The following NCAM2 variants were observed in gnomAD, a reference collection of about 807,000 sequenced individuals.
NCAM2 encodes the protein neural cell adhesion molecule 2, also known as N-CAM-2.
Under a neutral mutation model 98.1 loss-of-function variants are expected in NCAM2, and 30 were observed. The observed-to-expected ratio is 0.31, with a 90% CI of 0.23 to 0.41. The LOEUF is 0.41. Among genes scored for constraint, NCAM2 ranks in the 10% least tolerant of loss-of-function variants. NCAM2 has a pLI of 1.00. For missense variants in NCAM2, 867 were observed against 1,005.8 expected (o/e 0.86, Z 1.87); for synonymous variants, 368 against 342.4 (o/e 1.07, Z -0.83).
intron 17 of NCAM2, among the ~76,000 whole-genome samples, chr21:21,536,286 T>C (rs1989978107): frequency 6.6e-6 from 1 of 152,120 alleles, no homozygotes; most frequent in Non-Finnish European, 1.5e-5. Flanking sequence ...TTCAAAAATA[T>C]AAAATAAATT....
chr21:21,287,374 C>A (rs1004669889), intron 4 of NCAM2, among the ~76,000 whole-genome samples: 1 of 151,914 alleles, frequency 6.6e-6, no homozygotes, highest in Admixed American at 6.6e-5. Context: ...AAGAATTTTT[C>A]TGAGCTTAGC....
intron 1 of NCAM2, among the ~76,000 whole-genome samples, chr21:21,267,515 AT>A (rs1331999512): frequency 6.6e-6 from 1 of 152,134 alleles, no homozygotes; most frequent in Non-Finnish European, 1.5e-5. Context: ...AGGAAAACTA[AT>A]TTTGTTTAAA....
chr21:21,284,991 T>C (rs139307265), intron 3 of NCAM2, among the ~76,000 whole-genome samples: 1 of 151,922 alleles, frequency 6.6e-6, no homozygotes, highest in Non-Finnish European at 1.5e-5. Context: ...TTAACCTGTT[T>C]AGGAACATTG....
chr21:21,085,966 A>G (rs922313196), intron 1 of NCAM2, among the ~76,000 whole-genome samples: 4 of 152,216 alleles, frequency 2.6e-5, no homozygotes, highest in African/African-American at 7.2e-5. Context: ...TGCAGAAACT[A>G]TGTAAGTCTT....
intron 1 of NCAM2, among the ~76,000 whole-genome samples, chr21:21,260,977 T>G (rs1312327609): frequency 6.6e-6 from 1 of 152,112 alleles, no homozygotes; most frequent in African/African-American, 2.4e-5. Context: ...TCATGTGTAT[T>G]GATGCCCACA....
At chr21:21,335,473 C>T in intron 6 of NCAM2, 32 bp from the exon 7 acceptor site, 1 of 1,555,234 alleles carries the variant, frequency 6.4e-7, no homozygotes, top group Non-Finnish European at 8.7e-7. Flanking sequence ...AAAGCCAGAT[C>T]TGTGAGGATG....
In NCAM2 at chr21:21,229,971, A is replaced by C. The variant is rs552334081; in HGVS notation, c.56-50607A>C. On this transcript the variant is annotated intron_variant, in intron 1 of 17. Coordinates refer to ENST00000400546, the MANE Select transcript of NCAM2 (RefSeq NM_004540.5). ...ATAACATTATTAAAATATATGCACA[A>C]GAACTGTTCTAACAGATTTATATTT... Among the ~76,000 whole-genome samples the C allele has an allele frequency of 5.5e-4, 83 of 151,466 alleles. 2 individuals are homozygous for C. Among genetic ancestry groups the C allele is most frequent in the Non-Finnish European group, 1.8e-4 (12 of 67,540 alleles).
intron 1 of NCAM2, among the ~76,000 whole-genome samples, chr21:21,166,111 A>G (rs2067942881): frequency 6.6e-6 from 1 of 152,226 alleles, no homozygotes; most frequent in Admixed American, 6.5e-5. Context: ...ACATATTTGT[A>G]CAAAGAACAC....
At chr21:21,098,381 AAT>A (rs1330599759) in intron 1 of NCAM2, among the ~76,000 whole-genome samples, 1 of 151,754 alleles carries the variant, frequency 6.6e-6, no homozygotes, top group African/African-American at 2.4e-5. Flanking sequence ...TTCATAATAG[AAT>A]AGTTTTGTTA....
chr21:21,128,098 T>C (rs948406209), intron 1 of NCAM2, among the ~76,000 whole-genome samples: 1 of 152,136 alleles, frequency 6.6e-6, no homozygotes, highest in Non-Finnish European at 1.5e-5. Flanking sequence ...TATTACATAT[T>C]ACATCTGGGT....
At chr21:21,350,631 G>T (rs890115289) in intron 8 of NCAM2, among the ~76,000 whole-genome samples, 5 of 152,092 alleles carry the variant, frequency 3.3e-5, no homozygotes, top group African/African-American at 1.2e-4. Context: ...AAAAACAACA[G>T]AATTCACACT....
rs185950395 is a variant in NCAM2, at chr21:21,412,506, G to T, written c.1383+2045G>T. 2.6e-4 allele frequency among the ~76,000 whole-genome samples: 39 copies of T among 151,566 alleles called. 1 individual carries two copies. Among genetic ancestry groups the T allele is most frequent in the South Asian group, 1.9e-3 (9 of 4,780 alleles). On this transcript the variant is annotated intron_variant, in intron 10 of 17. Coordinates refer to ENST00000400546, the MANE Select transcript of NCAM2 (RefSeq NM_004540.5). Reference sequence around the variant, plus strand: ...CTTTACTTCATCTTGACATTTTTTAGTTCCTCAGCCAACTCATAATTCTCT... The same window carrying T: ...CTTTACTTCATCTTGACATTTTTTATTTCCTCAGCCAACTCATAATTCTCT...
intron 1 of NCAM2, among the ~76,000 whole-genome samples, chr21:21,244,570 C>T (rs1049882143): frequency 2.0e-5 from 3 of 151,850 alleles, no homozygotes; most frequent in Non-Finnish European, 4.4e-5. Context: ...AAAAACAGGC[C>T]GAGTGCGGTG....
intron 1 of NCAM2, among the ~76,000 whole-genome samples, chr21:21,276,984 T>C (rs961815570): frequency 1.3e-5 from 2 of 152,070 alleles, no homozygotes; most frequent in Admixed American, 1.3e-4. Flanking sequence ...GATCAACAAA[T>C]CAGTATAAAC....
Position 21,430,926 on chromosome 21 carries a change from G to T in NCAM2, c.1481-1182G>T, listed in dbSNP as rs532769958. Among the ~76,000 whole-genome samples the T allele has an allele frequency of 9.2e-5, 14 of 151,386 alleles. No individual in the cohort carries two copies. In the South Asian group the frequency reaches 2.9e-3, roughly 32 times the overall value. ...CTGGGCGTGGTGGTGCGCACCTGTA[G>T]TCCCAGCTACTCTGGAGGCTGAAGC... On this transcript the variant is annotated intron_variant, in intron 11 of 17. Transcript: ENST00000400546.
intron 1 of NCAM2, among the ~76,000 whole-genome samples, chr21:21,261,750 C>G (rs995229762): frequency 6.6e-6 from 1 of 151,942 alleles, no homozygotes; most frequent in African/African-American, 2.4e-5. Flanking sequence ...ATGCCTACAT[C>G]AAAATGATAG....
intron 8 of NCAM2, among the ~76,000 whole-genome samples, chr21:21,368,850 T>G (rs147930715): frequency 1.8e-4 from 27 of 151,878 alleles, no homozygotes; most frequent in African/African-American, 5.8e-4. Context: ...GTGTGAGTGA[T>G]CTTTTTAAAT....
At chr21:21,278,234 C>A (rs2072802625) in intron 1 of NCAM2, among the ~76,000 whole-genome samples, 1 of 151,706 alleles carries the variant, frequency 6.6e-6, no homozygotes, top group African/African-American at 2.4e-5. Flanking sequence ...CTCAAGTCTT[C>A]TCAATTTATA....
At chr21:21,039,471 G>A (rs1456183105) in intron 1 of NCAM2, among the ~76,000 whole-genome samples, 1 of 152,154 alleles carries the variant, frequency 6.6e-6, no homozygotes, top group East Asian at 1.9e-4. Context: ...ACATAAAAAT[G>A]ATAAATGCTC....
Sources: gnomAD v4.1 joint callset for allele counts (sites outside exome capture counted in the v4.1 genomes callset) on GRCh38, gnomAD v4.1.1 for gene constraint, MANE v1.5 for transcripts, NCBI Gene and HGNC (gene_info 2026-07-23, HGNC 2026-07-21) for gene names.